The following ARHGAP28 variants were observed in gnomAD, a reference collection of about 807,000 sequenced individuals.
ARHGAP28 encodes the protein Rho GTPase activating protein 28.
ARHGAP28 carries 56 observed loss-of-function variants against 90.7 expected under a neutral mutation model. The ratio of observed to expected loss-of-function variants is 0.62; its 90% CI spans 0.50 to 0.77. The LOEUF is 0.77. Among genes scored for constraint, ARHGAP28 ranks in the 30% least tolerant of loss-of-function variants. The pLI is 0.00. For synonymous variants in ARHGAP28, 308 were observed against 323.3 expected, an observed-to-expected ratio of 0.95 and a Z score of 0.51; for missense variants, 869 against 900.9, an observed-to-expected ratio of 0.96 and a Z score of 0.45.
chr18:6,841,618 T>A (rs1182342236), intron 3 of ARHGAP28, among the ~76,000 whole-genome samples: 1 of 152,062 alleles, frequency 6.6e-6, no homozygotes, highest in African/African-American at 2.4e-5. Context: ...TAGAATCCCA[T>A]GCTCAAAATC....
At chr18:6,868,593 G>A (rs1208461119) in intron 6 of ARHGAP28, among the ~76,000 whole-genome samples, 2 of 123,570 alleles carry the variant, frequency 1.6e-5, no homozygotes, top group Non-Finnish European at 3.5e-5. Flanking sequence ...TCAGGCACAC[G>A]CAGCACCAGA....
chr18:6,852,510 A>G (rs182183941), intron 4 of ARHGAP28, among the ~76,000 whole-genome samples: 11 of 152,216 alleles, frequency 7.2e-5, no homozygotes, highest in Admixed American at 1.3e-4. Context: ...TGTTTGCTTC[A>G]TATAAAAGAA....
chr18:6,820,698 G>C lies in ARHGAP28; in HGVS notation c.123-4064G>C, dbSNP rs77366247. 5.8e-4 allele frequency among the ~76,000 whole-genome samples: 89 copies of C among 152,266 alleles called. 1 individual carries two copies. The East Asian group carries it at 0.017, about 29-fold the overall frequency. ...AAAGAATTGTAACTGACTCTCATCA[G>C]AATCAATAGACTCAACAAGACAATG... On this transcript the variant is annotated intron_variant, in intron 1 of 17. Transcript: ENST00000383472.
intron 4 of ARHGAP28, among the ~76,000 whole-genome samples, chr18:6,857,389 C>A (rs1382639367): frequency 6.6e-6 from 1 of 152,160 alleles, no homozygotes; most frequent in Non-Finnish European, 1.5e-5. Context: ...TAGATATAAA[C>A]GTTTAGTTTT....
chr18:6,784,581 A>G (rs1384065833), intron 1 of ARHGAP28, among the ~76,000 whole-genome samples: 4 of 152,208 alleles, frequency 2.6e-5, no homozygotes, highest in Admixed American at 2.0e-4. Context: ...GCAAGGGGGC[A>G]GATGTTAGGG....
At chr18:6,858,583 G>A (rs999600440) in intron 4 of ARHGAP28, among the ~76,000 whole-genome samples, 1 of 148,852 alleles carries the variant, frequency 6.7e-6, no homozygotes, top group Non-Finnish European at 1.5e-5. Flanking sequence ...TGCTCTTGTC[G>A]CCCAGTTTGG....
At chr18:6,745,379 T>G (rs1352627644) in intron 1 of ARHGAP28, among the ~76,000 whole-genome samples, 1 of 152,186 alleles carries the variant, frequency 6.6e-6, no homozygotes, top group Non-Finnish European at 1.5e-5. Flanking sequence ...TCTTATCCAT[T>G]ACCATGGAGG....
chr18:6,826,683 C>CTTTTT (rs36069648), intron 2 of ARHGAP28, among the ~76,000 whole-genome samples: 1,359 of 87,862 alleles, frequency 0.015, no homozygotes, highest in Middle Eastern at 0.024. Context: ...GGATTTTGAG[C>CTTTTT]TTTTTTTTTT....
chr18:6,902,568 C>T (rs7232347), intron 16 of ARHGAP28, among the ~76,000 whole-genome samples: 78,438 of 151,950 alleles, frequency 0.52, 20,684 homozygotes, highest in Middle Eastern at 0.62. Flanking sequence ...CAGTGGTCCT[C>T]CTTTAACTTA....
chr18:6,842,220 G>C (rs1010905525), intron 3 of ARHGAP28, among the ~76,000 whole-genome samples: 4 of 152,086 alleles, frequency 2.6e-5, no homozygotes, highest in Non-Finnish European at 5.9e-5. Flanking sequence ...AGTTGCGGTG[G>C]CACGTACCTG....
chr18:6,860,764 T>G (rs971268363), intron 5 of ARHGAP28, among the ~76,000 whole-genome samples: 5 of 152,226 alleles, frequency 3.3e-5, no homozygotes, highest in African/African-American at 1.2e-4. Context: ...ACTTTGCTGT[T>G]GTGTTTTTAG....
chr18:6,883,265 G>A (rs2057193844), intron 11 of ARHGAP28, among the ~76,000 whole-genome samples: 1 of 150,448 alleles, frequency 6.6e-6, no homozygotes, highest in South Asian at 2.1e-4. Context: ...TTGAGACAGA[G>A]TGTCGCACTG....
chr18:6,736,126 A>G (rs11081265), intron 1 of ARHGAP28, among the ~76,000 whole-genome samples: 56,999 of 152,050 alleles, frequency 0.37, 12,493 homozygotes, highest in East Asian at 0.55. Flanking sequence ...TGTCACTACA[A>G]TTCACTAATG....
chr18:6,898,053 T>C (rs1036866668), intron 16 of ARHGAP28: 4 of 154,824 alleles, frequency 2.6e-5, no homozygotes, highest in African/African-American at 9.6e-5. Context: ...CTCTGTATTA[T>C]GTCTTAAAAC....
intron 2 of ARHGAP28, among the ~76,000 whole-genome samples, chr18:6,827,551 C>T (rs1193395614): frequency 8.3e-5 from 12 of 144,920 alleles, no homozygotes; most frequent in Admixed American, 6.8e-4. Context: ...GCTGACCCCC[C>T]CACCTCCCTC....
At chr18:6,800,899 G>A (rs2056476950) in intron 1 of ARHGAP28, among the ~76,000 whole-genome samples, 1 of 152,162 alleles carries the variant, frequency 6.6e-6, no homozygotes, top group Non-Finnish European at 1.5e-5. Flanking sequence ...AATTTTGAAA[G>A]TTCTTTATGT....
At chr18:6,866,950 G>C (rs951571729) in intron 5 of ARHGAP28, among the ~76,000 whole-genome samples, 1 of 152,192 alleles carries the variant, frequency 6.6e-6, no homozygotes, top group Admixed American at 6.5e-5. Context: ...CTTAAGGAAA[G>C]GGAAAAGTTG....
At chr18:6,875,351 A>G (rs577924174) in intron 9 of ARHGAP28, among the ~76,000 whole-genome samples, 1 of 152,332 alleles carries the variant, frequency 6.6e-6, no homozygotes, top group South Asian at 2.1e-4. Flanking sequence ...GTTTGCCTCC[A>G]TACCTAGAAG....
At chr18:6,836,492 G>C (rs1567964146) in intron 2 of ARHGAP28, among the ~76,000 whole-genome samples, 1 of 152,144 alleles carries the variant, frequency 6.6e-6, no homozygotes, top group Non-Finnish European at 1.5e-5. Context: ...AGTTCATGTA[G>C]TGGGTGTGGG....
Sources: allele counts gnomAD v4.1 joint callset (sites outside exome capture counted in the v4.1 genomes callset), GRCh38; gene constraint gnomAD v4.1.1; transcripts MANE v1.5; gene names NCBI Gene and HGNC (gene_info 2026-07-23, HGNC 2026-07-21).